Variants in FREY1 observed in about 807,000 individuals in gnomAD.
FREY1 encodes protein Frey 1.
At chr11:45,906,607 G>A in the FREY1 span, 6 of 1,584,392 alleles carry the variant, frequency 3.8e-6, no homozygotes, top group South Asian at 6.8e-5. Context: ...GCAAGGTCGG[G>A]CCCGTCCCGC....
chr11:45,906,570 C>G, the FREY1 span: 1 of 1,542,854 alleles, frequency 6.5e-7, no homozygotes, highest in East Asian at 2.3e-5. Flanking sequence ...GGCCTTGGGT[C>G]ATAGGTGTGC....
At chr11:45,906,540 A>T in the FREY1 span, 2 of 1,505,976 alleles carry the variant, frequency 1.3e-6, no homozygotes, top group South Asian at 2.7e-5. Context: ...AGCCTTTGTC[A>T]CACATGGTAT....
the FREY1 span, chr11:45,906,785 C>T: frequency 3.7e-6 from 6 of 1,605,538 alleles, no homozygotes; most frequent in Non-Finnish European, 5.1e-6. Context: ...GATGACAAGC[C>T]CCTGAAGGCT....
chr11:45,907,153 C>G, the FREY1 span: 1 of 1,556,984 alleles, frequency 6.4e-7, no homozygotes, highest in East Asian at 2.4e-5. Flanking sequence ...ACCTCAGAGG[C>G]TGGGAGCGAA....
the FREY1 span, chr11:45,906,992 C>T: frequency 3.7e-6 from 6 of 1,602,926 alleles, no homozygotes; most frequent in Non-Finnish European, 5.1e-6. Context: ...GCCACCGCCA[C>T]CTCCTTGTGA....
chr11:45,907,232 A>G, the FREY1 span: 3 of 1,551,970 alleles, frequency 1.9e-6, no homozygotes, highest in Non-Finnish European at 2.6e-6. Context: ...AGCCCCCAGC[A>G]TGGCGAGAAC....
At chr11:45,907,117 G>C in the FREY1 span, 6 of 1,547,940 alleles carry the variant, frequency 3.9e-6, no homozygotes, top group Non-Finnish European at 5.3e-6. Context: ...CGGCCCAAGT[G>C]CCCTGCCCTC....
chr11:45,907,235 G>T, the FREY1 span: 1 of 1,551,034 alleles, frequency 6.4e-7, no homozygotes. Flanking sequence ...CCCCAGCATG[G>T]CGAGAACCAT....
At chr11:45,906,886 A>G in the FREY1 span, 1 of 1,613,912 alleles carries the variant, frequency 6.2e-7, no homozygotes, top group African/African-American at 1.3e-5. Context: ...CAGGCCGGAA[A>G]GTGGCTGCGA....
chr11:45,906,718 G>T, the FREY1 span: 1 of 1,576,480 alleles, frequency 6.3e-7, no homozygotes, highest in South Asian at 1.2e-5. Flanking sequence ...GGCATGGGTG[G>T]TAGGGGGCAG....
the FREY1 span, chr11:45,906,674 G>A: frequency 6.3e-7 from 1 of 1,587,774 alleles, no homozygotes; most frequent in Non-Finnish European, 8.6e-7. Flanking sequence ...TTGGGTGCTT[G>A]GGGAGGATGC....
chr11:45,906,587 G>A, the FREY1 span: 1 of 1,568,072 alleles, frequency 6.4e-7, no homozygotes, highest in East Asian at 2.3e-5. Context: ...GTGCATCATA[G>A]TAATACTCGG....
the FREY1 span, chr11:45,906,839 G>A: frequency 6.2e-7 from 1 of 1,613,126 alleles, no homozygotes; most frequent in Non-Finnish European, 8.5e-7. Flanking sequence ...GTCAGGGATG[G>A]GTAGGGGAAG....
chr11:45,906,998 T>G, the FREY1 span: 1 of 1,595,864 alleles, frequency 6.3e-7, no homozygotes, highest in Non-Finnish European at 8.6e-7. Context: ...GCCACCTCCT[T>G]GTGAATGGGG....
At chr11:45,906,966 A>G in the FREY1 span, 2 of 1,613,304 alleles carry the variant, frequency 1.2e-6, no homozygotes, top group African/African-American at 1.3e-5. Flanking sequence ...CGGGGTGCTC[A>G]GCCCTGGCCC....
At chr11:45,906,875 C>T in the FREY1 span, 10 of 1,613,870 alleles carry the variant, frequency 6.2e-6, no homozygotes, top group Non-Finnish European at 8.5e-6. Flanking sequence ...CTACCATCCA[C>T]CAGGCCGGAA....
the FREY1 span, chr11:45,906,739 T>C: frequency 6.3e-7 from 1 of 1,577,550 alleles, no homozygotes; most frequent in Non-Finnish European, 8.6e-7. Context: ...CTGGCTCTGA[T>C]GGAACTGAAG....
the FREY1 span, chr11:45,907,075 CCAGAGAGGGG>C: frequency 9.2e-5 from 141 of 1,533,318 alleles, no homozygotes; most frequent in African/African-American, 1.7e-3. Flanking sequence ...CAGCCCCACT[CCAGAGAGGGG>C]AGGGGCAGCA....
chr11:45,906,616 GCTTGC>G, the FREY1 span: 4 of 1,588,926 alleles, frequency 2.5e-6, no homozygotes, highest in Non-Finnish European at 3.4e-6. Context: ...GGCCCGTCCC[GCTTGC>G]GCTGCTGGGC....
Sources: allele counts gnomAD v4.1 joint callset, GRCh38; gene constraint gnomAD v4.1.1; transcripts MANE v1.5; gene names NCBI Gene and HGNC (gene_info 2026-07-23, HGNC 2026-07-21).